ABCB5: variants seen among roughly 807,000 people sequenced by gnomAD.
The protein encoded by ABCB5 is ATP-binding cassette sub-family B member 5.
Under a neutral mutation model 144.2 loss-of-function variants are expected in ABCB5, and 155 were observed. The ratio of observed to expected loss-of-function variants is 1.08; its 90% confidence interval spans 0.94 to 1.23. The LOEUF (loss-of-function observed/expected upper bound fraction) is 1.23, where lower values mean the gene tolerates loss of function less well. Ranked by LOEUF, ABCB5 falls within the 50% of genes most tolerant of loss-of-function variation. ABCB5 has a pLI of 0.00. For missense variants in ABCB5, 1,830 were observed against 1,520.8 expected (o/e 1.20, Z -3.38); for synonymous variants, 610 against 528.6 (o/e 1.15, Z -2.11).
intron 1 of ABCB5, 136 bp downstream of exon 1, chr7:20,615,973 TAGTC>T (rs953281604): frequency 6.6e-6 from 1 of 152,290 alleles, no homozygotes; most frequent in African/African-American, 2.4e-5. Context: ...AACTTTTTCA[TAGTC>T]AGAAATGATC....
intron 14 of ABCB5, among the ~76,000 whole-genome samples, chr7:20,660,565 C>T (rs1162608105): frequency 6.6e-6 from 1 of 152,072 alleles, no homozygotes; most frequent in Non-Finnish European, 1.5e-5. Flanking sequence ...GCTGTAGCAC[C>T]ATGACAGCCC....
At chr7:20,745,878 A>G (rs1486374344) in intron 26 of ABCB5, among the ~76,000 whole-genome samples, 7 of 152,208 alleles carry the variant, frequency 4.6e-5, no homozygotes, top group Non-Finnish European at 8.8e-5. Flanking sequence ...TGCGCTTAGA[A>G]TAAAGCCCAC....
Position 20,671,362 on chromosome 7 carries a change from C to T in ABCB5, c.1708-10143C>T, listed in dbSNP as rs544953404. 1.5e-4 allele frequency among the ~76,000 whole-genome samples: 23 copies of T among 152,214 alleles called. 1 individual carries two copies. In the South Asian group the frequency reaches 4.8e-3, roughly 32 times the overall value. ...GTTTCATTGAATATAAGAAACTGTA[C>T]ATATTAAAACATATGATTGGAAAAA... On this transcript the variant is annotated intron_variant, in intron 14 of 27. Transcript: ENST00000404938.
At chr7:20,752,177 T>C (rs180793046) in intron 26 of ABCB5, among the ~76,000 whole-genome samples, 15 of 152,204 alleles carry the variant, frequency 9.9e-5, no homozygotes, top group African/African-American at 3.6e-4. Flanking sequence ...GGATTAATCT[T>C]TCTGGCTATA....
intron 14 of ABCB5, among the ~76,000 whole-genome samples, chr7:20,679,929 G>A (rs1333362523): frequency 6.6e-6 from 1 of 152,070 alleles, no homozygotes; most frequent in Non-Finnish European, 1.5e-5. Flanking sequence ...CACTAGAACT[G>A]TGTACATATG....
chr7:20,658,781 C>G, intron 14 of ABCB5, 105 bp downstream of exon 14: 1 of 1,340,802 alleles, frequency 7.5e-7, no homozygotes, highest in Non-Finnish European at 1.0e-6. Flanking sequence ...TGAGAGCCCT[C>G]TTAAGGTATA....
chr7:20,647,482 G>T (rs1784439101), intron 9 of ABCB5, 53 bp from the exon 10 acceptor site: 7 of 1,503,044 alleles, frequency 4.7e-6, no homozygotes, highest in Non-Finnish European at 5.3e-6. Flanking sequence ...ACATTCTATT[G>T]TCTTTCTTAT....
At chr7:20,666,275 G>C (rs1238146870) in intron 14 of ABCB5, among the ~76,000 whole-genome samples, 1 of 152,176 alleles carries the variant, frequency 6.6e-6, no homozygotes, top group South Asian at 2.1e-4. Context: ...AAGGCAGTGA[G>C]TGGGAACTTG....
intron 27 of ABCB5, among the ~76,000 whole-genome samples, chr7:20,754,660 G>C (rs904161504): frequency 1.3e-5 from 2 of 152,090 alleles, no homozygotes; most frequent in Admixed American, 6.6e-5. Context: ...CAAAATCTAT[G>C]AGAGAAAATT....
At chr7:20,654,171 T>A (rs1186970870) in intron 13 of ABCB5, among the ~76,000 whole-genome samples, 1 of 151,302 alleles carries the variant, frequency 6.6e-6, no homozygotes, top group African/African-American at 2.4e-5. Flanking sequence ...GAGACAAAAA[T>A]CAGCACTGTT....
chr7:20,661,786 G>T (rs951539392), intron 14 of ABCB5, among the ~76,000 whole-genome samples: 4 of 152,000 alleles, frequency 2.6e-5, no homozygotes, highest in Non-Finnish European at 5.9e-5. Context: ...GCCTGCCCTA[G>T]CCTCCCAAAG....
At chr7:20,622,746 T>A (rs188396826) in intron 1 of ABCB5, among the ~76,000 whole-genome samples, 58 of 152,228 alleles carry the variant, frequency 3.8e-4, no homozygotes, top group African/African-American at 1.3e-3. Context: ...TAATGATGAA[T>A]GGATTTTCAA....
chr7:20,726,160 G>A lies in ABCB5; in HGVS notation c.2626-880G>A, dbSNP rs1397689853. 3.3e-5 allele frequency among the ~76,000 whole-genome samples: 5 copies of A among 152,172 alleles called. 1 individual carries two copies. In the East Asian group the frequency reaches 7.7e-4, roughly 23 times the overall value. On this transcript the variant is annotated intron_variant, in intron 21 of 27. Transcript: ENST00000404938. ...TTCTCTTTATAAACTATATAAATGT[G>A]GAGAAGTATTCATCACATTTGAATT...
intron 5 of ABCB5, among the ~76,000 whole-genome samples, chr7:20,633,098 C>T (rs6963630): frequency 0.24 from 36,721 of 151,438 alleles, 5,229 homozygotes; most frequent in African/African-American, 0.4. Flanking sequence ...TAAAATACTT[C>T]TTAACATAAA....
chr7:20,730,399 C>T (rs1782169521), intron 23 of ABCB5, among the ~76,000 whole-genome samples: 1 of 152,186 alleles, frequency 6.6e-6, no homozygotes, highest in Non-Finnish European at 1.5e-5. Flanking sequence ...ATCCCAGCTA[C>T]TTGGGAGGCT....
intron 20 of ABCB5, among the ~76,000 whole-genome samples, chr7:20,707,194 A>T (rs1350940814): frequency 6.6e-6 from 1 of 152,232 alleles, no homozygotes; most frequent in East Asian, 1.9e-4. Flanking sequence ...AATATATTAG[A>T]ATGAATGTTC....
At position 20,723,108 on chromosome 7, in the gene ABCB5, A is replaced by T; in HGVS notation, c.2514A>T (p.Thr838=). The change falls in exon 21 of 28, where the codon ACA becomes ACT. Residue 838 remains threonine, a synonymous_variant. Coordinates refer to ENST00000404938, the MANE Select transcript of ABCB5 (RefSeq NM_001163941.2). ...IISFIYGWEM[T]FLILSIAPVL... is the part of the protein sequence containing the mutation. ...CCTTTATATATGGATGGGAGATGAC[A>T]TTCCTGATTCTGAGTATTGCTCCAG... The T allele has an allele frequency of 6.2e-7, 1 of 1,614,178 alleles. No individual in the cohort carries two copies. The highest frequency in any genetic ancestry group is 8.5e-7 in the Non-Finnish European group (1 of 1,180,038).
chr7:20,712,585 T>C (rs1322057219), intron 20 of ABCB5, among the ~76,000 whole-genome samples: 2 of 149,812 alleles, frequency 1.3e-5, no homozygotes, highest in Non-Finnish European at 3.0e-5. Context: ...TTTGAATAGT[T>C]TCTATGCCAT....
intron 22 of ABCB5, 122 bp from the exon 23 acceptor site, chr7:20,728,193 G>A (rs1440636697): frequency 4.2e-6 from 5 of 1,176,542 alleles, no homozygotes; most frequent in South Asian, 1.9e-5. Context: ...TTCATCATTC[G>A]AAAAATGCCT....
Sources: allele counts gnomAD v4.1 joint callset (sites outside exome capture counted in the v4.1 genomes callset), GRCh38; gene constraint gnomAD v4.1.1; transcripts MANE v1.5; gene names NCBI Gene and HGNC (gene_info 2026-07-23, HGNC 2026-07-21).